SOAT1: variants seen among roughly 807,000 people sequenced by gnomAD.
The protein encoded by SOAT1 is sterol O-acyltransferase 1.
SOAT1 carries 55 observed loss-of-function variants against 69.5 expected under a neutral mutation model. The observed-to-expected ratio is 0.79, with a 90% CI of 0.64 to 0.99. The LOEUF (loss-of-function observed/expected upper bound fraction) is 0.99, where lower values mean the gene tolerates loss of function less well. SOAT1 is among the 50% of genes least tolerant of loss of function. The pLI is 0.00. For synonymous variants in SOAT1, 231 were observed against 224.7 expected (o/e 1.03, Z -0.25); for missense variants, 580 against 669.3 (o/e 0.87, Z 1.47).
intron 2 of SOAT1, among the ~76,000 whole-genome samples, chr1:179,319,561 C>G (rs1056313972): frequency 6.6e-6 from 1 of 151,968 alleles, no homozygotes; most frequent in African/African-American, 2.4e-5. Context: ...TGAGCCACCG[C>G]ACCTGGCGTA....
intron 1 of SOAT1, 28 bp from the exon 2 acceptor site, chr1:179,302,649 C>A: frequency 6.8e-7 from 1 of 1,472,510 alleles, no homozygotes; most frequent in Non-Finnish European, 9.2e-7. Context: ...CGGACTAATA[C>A]GAAAGCTTTT....
intron 1 of SOAT1, among the ~76,000 whole-genome samples, chr1:179,296,624 G>A (rs1044442467): frequency 2.0e-5 from 3 of 152,186 alleles, no homozygotes; most frequent in South Asian, 2.1e-4. Context: ...TTGTAGCGTT[G>A]TGTTAGGGCC....
intron 15 of SOAT1, 108 bp downstream of exon 15, chr1:179,351,570 T>A: frequency 1.0e-6 from 1 of 1,001,744 alleles, no homozygotes. Flanking sequence ...GATGAATTAG[T>A]GTTAAAGAGA....
At position 179,336,732 on chromosome 1, in the gene SOAT1, C is replaced by T. The variant is rs147443688; in HGVS notation, c.329+1075C>T. Among the ~76,000 whole-genome samples, 203 of 152,242 alleles carry T rather than the reference C, an allele frequency of 1.3e-3. 2 individuals are homozygous for T. Among genetic ancestry groups the T allele is most frequent in the African/African-American group, 4.5e-3 (186 of 41,548 alleles). ...CATATAATGGCTGGGCATGGTGGCT[C>T]ACGCCTGTAATCCCAGCACTTTGGG... On this transcript the variant is annotated intron_variant, in intron 4 of 15. Transcript: ENST00000367619.
chr1:179,341,111 C>G lies in SOAT1; in HGVS notation c.581C>G (p.Ser194Cys), dbSNP rs201433682. 1.2e-4 allele frequency: 186 copies of G among 1,613,896 alleles called. No individual in the cohort carries two copies. Among genetic ancestry groups the G allele is most frequent in the Non-Finnish European group, 5.8e-5 (69 of 1,179,948 alleles). The change falls in exon 7 of 16, where the codon TCT (serine) becomes TGT (cysteine). Residue 194 changes from serine (S) to cysteine (C), a missense_variant. Physicochemically the swap from Ser to Cys is moderately radical, Grantham distance 112. Coordinates refer to ENST00000367619, the MANE Select transcript of SOAT1 (RefSeq NM_003101.6). The stretch of plus-strand genomic sequence containing the variant: ...TGGACCTGGTGGATCATGTTCCTGT[C>G]TACATTTTCAGTTCCCTATTTTCTG... ...VVWTWWIMFL[S>C]TFSVPYFLFQ... is the part of the protein sequence containing the mutation.
intron 2 of SOAT1, among the ~76,000 whole-genome samples, chr1:179,307,134 C>T (rs573468871): frequency 3.9e-5 from 6 of 152,310 alleles, no homozygotes; most frequent in South Asian, 2.1e-4. Flanking sequence ...CCAAAACAGA[C>T]GGCTGGTCAG....
In SOAT1 at chr1:179,342,924, T is replaced by G. The variant is rs781209163; in HGVS notation, c.922T>G (p.Tyr308Asp). ...LYFLFAPTLIYRDSYPRNPTV... is the reference protein window; with the variant it reads ...LYFLFAPTLIDRDSYPRNPTV... Reference sequence around the variant, plus strand: ...CTTCTTATTTGCTCCTACCCTTATCTACCGTGACAGCTATCCCAGGTAATG... The same window carrying G: ...CTTCTTATTTGCTCCTACCCTTATCGACCGTGACAGCTATCCCAGGTAATG... The change falls in exon 9 of 16, where the codon TAC becomes GAC. Residue 308 changes from tyrosine to aspartate, a missense_variant. Tyr to Asp is a radical substitution (Grantham distance 160). Transcript: ENST00000367619. 1 of 1,613,276 alleles carries G rather than the reference T, an allele frequency of 6.2e-7. No individual in the cohort carries two copies. The highest frequency in any genetic ancestry group is 8.5e-7 in the Non-Finnish European group (1 of 1,179,272).
intron 2 of SOAT1, among the ~76,000 whole-genome samples, chr1:179,320,950 G>C (rs1665576706): frequency 6.6e-6 from 1 of 151,220 alleles, no homozygotes; most frequent in Non-Finnish European, 1.5e-5. Flanking sequence ...CTGTCTCCCA[G>C]GCTGGAATGC....
chr1:179,339,683 C>T, intron 6 of SOAT1, 138 bp downstream of exon 6: 1 of 518,552 alleles, frequency 1.9e-6, no homozygotes, highest in Non-Finnish European at 3.4e-6. Context: ...TATTCCTTTG[C>T]CCTGAAAAGT....
At chr1:179,330,911 C>T (rs1012199851) in intron 3 of SOAT1, among the ~76,000 whole-genome samples, 1 of 152,192 alleles carries the variant, frequency 6.6e-6, no homozygotes. Flanking sequence ...ATCTCATTGG[C>T]TACCTAGGTG....
Position 179,326,950 on chromosome 1 carries a change from A to G in SOAT1, c.177+3455A>G, listed in dbSNP as rs995441212. Reference sequence around the variant, plus strand: ...TATAGAGTTTAGAGACAGTGAGAATAGACAGGGAGCTATTGTAATATTTTA... The same window carrying G: ...TATAGAGTTTAGAGACAGTGAGAATGGACAGGGAGCTATTGTAATATTTTA... On this transcript the variant is annotated intron_variant, in intron 3 of 15. Coordinates refer to ENST00000367619, the MANE Select transcript of SOAT1 (RefSeq NM_003101.6). Among the ~76,000 whole-genome samples the G allele has an allele frequency of 1.2e-4, 19 of 152,244 alleles. 1 individual carries two copies. The highest frequency in any genetic ancestry group is 5.9e-5 in the Non-Finnish European group (4 of 68,050).
chr1:179,302,811 T>C lies in SOAT1; in HGVS notation c.118+9T>C, dbSNP rs750546684. ...AGAGACACCTAGTAATGGTGAGGCT[T>C]AATTTTTTTTTTTTAGGTGAATTAG... On this transcript the variant is annotated intron_variant, in intron 2 of 15. Transcript: ENST00000367619. The C allele has an allele frequency of 4.0e-5, 61 of 1,508,160 alleles. No homozygotes were observed. The highest frequency in any genetic ancestry group is 5.1e-5 in the Non-Finnish European group (57 of 1,116,298). 93.4% of individuals were successfully genotyped at this position (1,508,160 alleles called of 1,614,324 possible).
rs1553243339 is a variant in SOAT1 at position 179,306,830 on chromosome 1, C to CAG, written c.118+4029_118+4030insGA. On this transcript the variant is annotated intron_variant, in intron 2 of 15. Coordinates refer to ENST00000367619, the MANE Select transcript of SOAT1 (RefSeq NM_003101.6). The stretch of plus-strand genomic sequence containing the variant: ...TGGGCAACAGTGTGAGACTCCATCT[C>CAG]AAAAAAAAAAAAAAAAAAAAGCAGC... 4.2e-4 allele frequency among the ~76,000 whole-genome samples: 41 copies of CAG among 96,628 alleles called. 2 individuals are homozygous for CAG. The highest frequency in any genetic ancestry group is 6.0e-4 in the Non-Finnish European group (31 of 52,098). 63.4% of individuals were successfully genotyped at this position (96,628 alleles called of 152,430 possible). A position where few individuals can be genotyped will look rare whatever the true frequency, so the allele number is the denominator to read the frequency against.
Position 179,344,938 on chromosome 1 carries a change from A to G in SOAT1, c.988-9A>G. On this transcript the variant is annotated splice_polypyrimidine_tract_variant and intron_variant, in intron 10 of 15. Coordinates refer to ENST00000367619, the MANE Select transcript of SOAT1 (RefSeq NM_003101.6). ...TCGTTATTATAATTCTGTCTCTGTT[A>G]TGTTCCAGGTCTTTGGTTGCTTTTT... 1.9e-6 allele frequency: 3 copies of G among 1,613,718 alleles called. No individual in the cohort carries two copies. The highest frequency in any genetic ancestry group is 2.5e-6 in the Non-Finnish European group (3 of 1,179,826).
In SOAT1 at chr1:179,319,301, G is replaced by T. The variant is rs541822264; in HGVS notation, c.119-4136G>T. Among the ~76,000 whole-genome samples, 4 of 137,064 alleles carry T rather than the reference G, an allele frequency of 2.9e-5. No individual in the cohort carries two copies. In the Admixed American group the frequency reaches 3.3e-4, roughly 11 times the overall value. 89.9% of individuals were successfully genotyped at this position (137,064 alleles called of 152,430 possible). A position where few individuals can be genotyped will look rare whatever the true frequency, so the allele number is the denominator to read the frequency against. On this transcript the variant is annotated intron_variant, in intron 2 of 15. Transcript: ENST00000367619. ...TTTTTTTTTTAAAAGACAGAGTCTC[G>T]CTGTGTCACCCAGGCTGGAGAGCAA...
intron 2 of SOAT1, among the ~76,000 whole-genome samples, chr1:179,317,430 T>G (rs372174897): frequency 1.3e-5 from 2 of 150,568 alleles, no homozygotes; most frequent in South Asian, 2.1e-4. Context: ...CTACTTGGGA[T>G]GCTGAGGCAG....
intron 13 of SOAT1, among the ~76,000 whole-genome samples, chr1:179,349,329 CTT>C (rs10670085): frequency 1.4e-4 from 18 of 125,874 alleles, no homozygotes; most frequent in East Asian, 4.5e-4. Flanking sequence ...TAGAGAAACA[CTT>C]TTTTTTTTTT....
chr1:179,299,188 G>A (rs4652362), intron 1 of SOAT1, among the ~76,000 whole-genome samples: 28,644 of 152,030 alleles, frequency 0.19, 2,927 homozygotes, highest in Non-Finnish European at 0.23. Flanking sequence ...AGTTGGAGGC[G>A]GTTTAGCGAT....
In SOAT1 at chr1:179,308,400, G is replaced by A. The variant is rs146887172; in HGVS notation, c.118+5598G>A. 5.9e-4 allele frequency among the ~76,000 whole-genome samples: 89 copies of A among 152,056 alleles called. 2 individuals are homozygous for A. The East Asian group carries it at 0.017, about 28-fold the overall frequency. ...ATATAGTTCCCAGATGGCCGGGCAC[G>A]GTGGCTCACTCCTGTAATCCCAGCA... On this transcript the variant is annotated intron_variant, in intron 2 of 15. Coordinates refer to ENST00000367619, the MANE Select transcript of SOAT1 (RefSeq NM_003101.6).
Sources: gnomAD v4.1 joint callset for allele counts (sites outside exome capture counted in the v4.1 genomes callset) on GRCh38, gnomAD v4.1.1 for gene constraint, MANE v1.5 for transcripts, NCBI Gene and HGNC (gene_info 2026-07-23, HGNC 2026-07-21) for gene names.